DOCK8: variants seen among roughly 807,000 people sequenced by gnomAD.
DOCK8 encodes dedicator of cytokinesis 8, also known as dedicator of cytokinesis protein 8.
DOCK8 carries 141 observed loss-of-function variants against 245.6 expected under a neutral mutation model. The ratio of observed to expected loss-of-function variants is 0.57; its 90% confidence interval spans 0.50 to 0.66. DOCK8 has a LOEUF of 0.66. DOCK8 is among the 30% of genes least tolerant of loss of function. The pLI, the probability that DOCK8 is intolerant of heterozygous loss-of-function variation, is 0.00. For synonymous variants in DOCK8, 1,168 were observed against 970.2 expected (o/e 1.20, Z -3.79); for missense variants, 2,965 against 2,603.4 (o/e 1.14, Z -3.02).
At chr9:240,782 C>A (rs1396484139) in intron 1 of DOCK8, among the ~76,000 whole-genome samples, 1 of 152,086 alleles carries the variant, frequency 6.6e-6, no homozygotes, top group Non-Finnish European at 1.5e-5. Flanking sequence ...AACTTACATT[C>A]CAATGATGGA....
At chr9:299,454 G>A (rs1030807735) in intron 4 of DOCK8, among the ~76,000 whole-genome samples, 5 of 151,960 alleles carry the variant, frequency 3.3e-5, no homozygotes, top group East Asian at 1.9e-4. Context: ...GTAGAGATGC[G>A]GTTTCACCAT....
Position 334,310 on chromosome 9 carries a change from C to T in DOCK8, c.1211C>T (p.Ala404Val), listed in dbSNP as rs749588357. 3.1e-6 allele frequency: 5 copies of T among 1,614,148 alleles called. No individual in the cohort carries two copies. The highest frequency in any genetic ancestry group is 1.1e-5 in the South Asian group (1 of 91,076). ...AAATACCGGATGCCCTTTGCCTGGGCACCCATAAGCTTATCAAGCTTCTTC... is the reference window on the plus strand; with the variant it reads ...AAATACCGGATGCCCTTTGCCTGGGTACCCATAAGCTTATCAAGCTTCTTC... ...LGKYRMPFAW[A>V]PISLSSFFNV... Residue 404 changes from alanine to valine, a missense_variant, in exon 11 of 48, where the codon GCA becomes GTA. Transcript: ENST00000432829.
intron 24 of DOCK8, 66 bp from the exon 25 acceptor site, chr9:396,719 C>G (rs946229833): frequency 1.2e-6 from 2 of 1,600,088 alleles, no homozygotes; most frequent in Non-Finnish European, 8.6e-7. Context: ...GTCTTTCCCC[C>G]TTTTCTGCAT....
At chr9:328,303 GT>G in intron 9 of DOCK8, 132 bp downstream of exon 9, 1 of 1,237,170 alleles carries the variant, frequency 8.1e-7, no homozygotes, top group Non-Finnish European at 1.1e-6. Flanking sequence ...TTCCTTCTCA[GT>G]TTACCCCTTT....
rs1224968482 is a variant in DOCK8 at position 386,412 on chromosome 9, C to G, written c.2860C>G (p.Pro954Ala). The change falls in exon 23 of 48, where the codon CCA (proline) becomes GCA (alanine). Residue 954 changes from proline to alanine, a missense_variant. This residue lies in a region of DOCK8 where 2,825 missense variants were observed against 2,453.5 expected (regional missense o/e 1.15). Coordinates refer to ENST00000432829, the MANE Select transcript of DOCK8 (RefSeq NM_203447.4). ...TCCAAGTTCACCTGCAGCCCCAAGG[C>G]CAGCCAGCAAAAAGGTACTGAAGAG... ...DAPSSPAAPR[P>A]ASKKHFHEEL... 1 of 1,613,470 alleles carries G rather than the reference C, an allele frequency of 6.2e-7. No homozygotes were observed. The highest frequency in any genetic ancestry group is 8.5e-7 in the Non-Finnish European group (1 of 1,179,664).
chr9:358,741 T>G (rs1322462850), intron 14 of DOCK8, among the ~76,000 whole-genome samples: 2 of 149,552 alleles, frequency 1.3e-5, no homozygotes, highest in Non-Finnish European at 3.0e-5. Flanking sequence ...CCCAGCTACT[T>G]GGGAGGCTGA....
chr9:400,939 CACCACCA>C (rs2055011307), intron 26 of DOCK8, among the ~76,000 whole-genome samples: 2 of 135,424 alleles, frequency 1.5e-5, no homozygotes, highest in Non-Finnish European at 3.2e-5. Context: ...CAACATCCAC[CACCACCA>C]TCACCACCAC....
chr9:370,165 A>T (rs771933436), intron 15 of DOCK8, 65 bp from the exon 16 acceptor site: 44 of 1,345,580 alleles, frequency 3.3e-5, no homozygotes, highest in Non-Finnish European at 4.6e-5. Context: ...TGTTGGCCTG[A>T]TGATAGTCAA....
At chr9:296,036 T>C (rs556174662) in intron 4 of DOCK8, among the ~76,000 whole-genome samples, 1 of 152,348 alleles carries the variant, frequency 6.6e-6, no homozygotes, top group Middle Eastern at 3.4e-3. Context: ...GAAATGTTTG[T>C]GTTACTTAGA....
chr9:375,985 G>A (rs1389435556), intron 18 of DOCK8, among the ~76,000 whole-genome samples: 1 of 152,116 alleles, frequency 6.6e-6, no homozygotes, highest in Non-Finnish European at 1.5e-5. Flanking sequence ...GACAGAGTGG[G>A]ACCCTGTCTC....
At position 399,275 on chromosome 9, in the gene DOCK8, AC is replaced by A. The variant is rs3831174; in HGVS notation, c.3234+21del. 1.4e-5 allele frequency: 18 copies of A among 1,255,996 alleles called. No individual in the cohort carries two copies. Among genetic ancestry groups the A allele is most frequent in the Non-Finnish European group, 1.9e-5 (18 of 944,916 alleles). 77.8% of individuals were successfully genotyped at this position (1,255,996 alleles called of 1,614,324 possible). On this transcript the variant is annotated intron_variant, in intron 26 of 47. Coordinates refer to ENST00000432829, the MANE Select transcript of DOCK8 (RefSeq NM_203447.4). The stretch of plus-strand genomic sequence containing the variant: ...TTGCAGCCAGGTGAGTGTCCCCCCC[AC>A]CCCCACCCCCGAGCGAGCCACTTGG...
At chr9:294,366 C>T (rs1362730019) in intron 4 of DOCK8, among the ~76,000 whole-genome samples, 1 of 152,218 alleles carries the variant, frequency 6.6e-6, no homozygotes, top group East Asian at 1.9e-4. Context: ...CCAGAAAAGT[C>T]GTGCTGTTTC....
intron 5 of DOCK8, among the ~76,000 whole-genome samples, chr9:307,352 T>A (rs55780169): frequency 3.3e-4 from 24 of 73,700 alleles, no homozygotes; most frequent in African/African-American, 1.5e-3. Context: ...TTTTTTTTTT[T>A]TTTTTTTTTT....
chr9:370,911 A>T (rs1450330555), intron 16 of DOCK8, among the ~76,000 whole-genome samples: 1 of 152,236 alleles, frequency 6.6e-6, no homozygotes, highest in Non-Finnish European at 1.5e-5. Flanking sequence ...TAAGTGAGGT[A>T]ATGTACATTA....
intron 30 of DOCK8, 176 bp from the exon 31 acceptor site, chr9:420,225 C>G: frequency 1.4e-6 from 1 of 718,886 alleles, no homozygotes; most frequent in South Asian, 1.6e-5. Flanking sequence ...ACACAGCTTC[C>G]CCTGCCTAGG....
At chr9:417,943 T>C in intron 29 of DOCK8, 125 bp from the exon 30 acceptor site, 1 of 1,228,414 alleles carries the variant, frequency 8.1e-7, no homozygotes, top group South Asian at 1.3e-5. Context: ...TACATAATGC[T>C]AAACATCAGG....
chr9:289,389 C>A lies in DOCK8; in HGVS notation c.333-121C>A. On this transcript the variant is annotated intron_variant, in intron 3 of 47. Transcript: ENST00000432829. The stretch of plus-strand genomic sequence containing the variant: ...GACATTTGGAATGATTGGGCAAGAA[C>A]ATCCTAAGCATTCTCACTGATAAGG... 5.1e-6 allele frequency: 4 copies of A among 781,000 alleles called. No homozygotes were observed. The South Asian group carries it at 5.9e-5, about 12-fold the overall frequency. 48.4% of individuals were successfully genotyped at this position (781,000 alleles called of 1,614,324 possible). A position where few individuals can be genotyped will look rare whatever the true frequency, so the allele number is the denominator to read the frequency against.
rs755958778 is a variant in DOCK8 at position 328,119 on chromosome 9, C to A, written c.992C>A (p.Ser331Tyr). The change falls in exon 9 of 48, where the codon TCT becomes TAT. Residue 331 changes from serine (S) to tyrosine (Y), a missense_variant. By Grantham distance (144) the Ser-to-Tyr change is moderately radical. Coordinates refer to ENST00000432829, the MANE Select transcript of DOCK8 (RefSeq NM_203447.4). ...GTGGCCGCATCAAGTCAGGCGAGAT[C>A]TGCAGTCTTCTCAGTCACCTACCCG... ...PSVAASSQAR[S>Y]AVFSVTYPSS... 2.4e-5 allele frequency: 38 copies of A among 1,614,208 alleles called. No homozygotes were observed. The highest frequency in any genetic ancestry group is 3.1e-5 in the Non-Finnish European group (37 of 1,180,018).
rs1236200771 is a variant in DOCK8, at chr9:399,997, TCCACCACCTCCACCATCA to T, written c.3234+765_3234+782del. Among the ~76,000 whole-genome samples, 410 of 57,848 alleles carry T rather than the reference TCCACCACCTCCACCATCA, an allele frequency of 7.1e-3. 20 individuals carry two copies. The highest frequency in any genetic ancestry group is 0.062 in the East Asian group (50 of 812). 38.0% of individuals were successfully genotyped at this position (57,848 alleles called of 152,430 possible). A position where few individuals can be genotyped will look rare whatever the true frequency, so the allele number is the denominator to read the frequency against. ...TCCACCATCACCACCTCCCACCACC[TCCACCACCTCCACCATCA>T]CCACCACCTCCACCATCACCACCAC... On this transcript the variant is annotated intron_variant, in intron 26 of 47. Coordinates refer to ENST00000432829, the MANE Select transcript of DOCK8 (RefSeq NM_203447.4).
Sources: gnomAD v4.1 joint callset for allele counts (sites outside exome capture counted in the v4.1 genomes callset) on GRCh38, gnomAD v4.1.1 for gene constraint, gnomAD v4.1.1 regional missense constraint, MANE v1.5 for transcripts, NCBI Gene and HGNC (gene_info 2026-07-23, HGNC 2026-07-21) for gene names.